PDHA1: variants seen among roughly 807,000 people sequenced by gnomAD.
PDHA1 encodes the protein pyruvate dehydrogenase E1 subunit alpha 1.
Under a neutral mutation model 33.0 loss-of-function variants are expected in PDHA1, and 1 was observed. That is an observed-to-expected ratio of 0.03 (90% confidence interval 0.01 to 0.14). The LOEUF is 0.14. Among genes scored for constraint, PDHA1 ranks in the 10% least tolerant of loss-of-function variants. The pLI is 1.00. For missense variants in PDHA1, 168 were observed against 325.1 expected, an observed-to-expected ratio of 0.52 and a Z score of 3.72; for synonymous variants, 123 against 119.2, an observed-to-expected ratio of 1.03 and a Z score of -0.21.
chrX:19,344,521 C>A (rs1309488142), intron 1 of PDHA1, among the ~76,000 whole-genome samples: 1 of 113,273 alleles, frequency 8.8e-6, no homozygotes, highest in Non-Finnish European at 1.9e-5. Context: ...AGGGTGGCTT[C>A]GTTCAAACAG....
chrX:19,350,250 A>G (rs1293031544), intron 3 of PDHA1, 140 bp downstream of exon 3: 7 of 528,536 alleles, frequency 1.3e-5, no homozygotes, highest in Admixed American at 7.8e-5. Context: ...TATTTTTTTG[A>G]GACAGTCTCT....
Position 19,359,495 on chromosome X carries a change from G to A in PDHA1, c.1015G>A (p.Asp339Asn). ...ACTGTTACCTAATTTTTAGGAAATT[G>A]ATGTGGAAGTGAGGAAGGAGATTGA... ...LASVEELKEI[D>N]VEVRKEIEDA... The change falls in exon 11 of 11, where the codon GAT becomes AAT. Residue 339 changes from aspartate to asparagine, a missense_variant. Physicochemically the swap from Asp to Asn is conservative, Grantham distance 23. Coordinates refer to ENST00000422285, the MANE Select transcript of PDHA1 (RefSeq NM_000284.4). The A allele has an allele frequency of 8.3e-7, 1 of 1,208,893 alleles. No individual in the cohort carries two copies. The highest frequency in any genetic ancestry group is 1.1e-6 in the Non-Finnish European group (1 of 893,014).
In PDHA1 at chrX:19,360,964, C is replaced by G; in HGVS notation, c.*1311C>G. The G allele has an allele frequency of 6.3e-6, 3 of 476,031 alleles. No individual in the cohort carries two copies. In the South Asian group the frequency reaches 1.1e-4, roughly 17 times the overall value. 39.2% of individuals were successfully genotyped at this position (476,031 alleles called of 1,213,427 possible). A position where few individuals can be genotyped will look rare whatever the true frequency, so the allele number is the denominator to read the frequency against. ...CACATATGGAGGTGACGCTCGTGTC[C>G]CAGCAGTAGTAGGACATGGCCTTAG... On this transcript the variant is annotated 3_prime_UTR_variant, in exon 11 of 11. Coordinates refer to ENST00000422285, the MANE Select transcript of PDHA1 (RefSeq NM_000284.4).
chrX:19,353,465 A>G, intron 5 of PDHA1: 1 of 378,797 alleles, frequency 2.6e-6, no homozygotes, highest in South Asian at 3.4e-5. Context: ...GCAGGGTTGT[A>G]GCCTAGGAGC....
rs1430632221 is a variant in PDHA1, at chrX:19,359,782, T to C, written c.*129T>C. The C allele has an allele frequency of 1.7e-6, 1 of 593,467 alleles. No individual in the cohort carries two copies. The highest frequency in any genetic ancestry group is 2.6e-5 in the Admixed American group (1 of 38,049). 48.9% of individuals were successfully genotyped at this position (593,467 alleles called of 1,213,427 possible). On this transcript the variant is annotated 3_prime_UTR_variant, in exon 11 of 11. Coordinates refer to ENST00000422285, the MANE Select transcript of PDHA1 (RefSeq NM_000284.4). The stretch of plus-strand genomic sequence containing the variant: ...TGGAAACTTCCATTAAGTGTGTAGA[T>C]TGAGCAGGTAGTAATTGCATGCAGT...
At chrX:19,355,896 G>A in intron 8 of PDHA1, 139 bp downstream of exon 8, 2 of 525,766 alleles carry the variant, frequency 3.8e-6, no homozygotes, top group Non-Finnish European at 6.7e-6. Context: ...AGGGAGCAGG[G>A]CTCCTTTGGG....
rs1048620167 is a variant in PDHA1, at chrX:19,353,314, A to G, written c.510+141A>G. 2.2e-5 allele frequency: 12 copies of G among 538,633 alleles called. No individual in the cohort carries two copies. The African/African-American group carries it at 2.5e-4, about 11-fold the overall frequency. 44.4% of individuals were successfully genotyped at this position (538,633 alleles called of 1,213,427 possible). On this transcript the variant is annotated intron_variant, in intron 5 of 10. Transcript: ENST00000422285. ...TGACGCTTTGGTCAATGTCGCATATATGATGTTGGACCCATAAGATTATAA... is the reference window on the plus strand; with the variant it reads ...TGACGCTTTGGTCAATGTCGCATATGTGATGTTGGACCCATAAGATTATAA...
At chrX:19,357,981 T>C (rs969506532) in intron 9 of PDHA1, among the ~76,000 whole-genome samples, 2 of 111,787 alleles carry the variant, frequency 1.8e-5, no homozygotes, top group African/African-American at 6.5e-5. Flanking sequence ...TAGAGGGAAA[T>C]TGTTACATAA....
chrX:19,344,654 G>GAAGTGTTATCGGTTATTA (rs1555932346), intron 1 of PDHA1, among the ~76,000 whole-genome samples: 16 of 109,809 alleles, frequency 1.5e-4, no homozygotes, highest in African/African-American at 5.3e-4. Context: ...AGTTATCTCT[G>GAAGTGTTATCGGTTATTA]AAATGTTATC....
chrX:19,355,480 A>AGGC lies in PDHA1; in HGVS notation c.737_739dup (p.Gly246dup). On this transcript the variant is annotated inframe_insertion, in exon 7 of 11. Transcript: ENST00000422285. ...CAGCCAGCACTGATTACTACAAGAG[A>AGGC]GGCGATTTCATTCCTGGGCTGAGAG... is the stretch of plus-strand genomic sequence containing the variant. 1 of 1,212,179 alleles carries AGGC rather than the reference A, an allele frequency of 8.2e-7. No individual in the cohort carries two copies. Among genetic ancestry groups the AGGC allele is most frequent in the Non-Finnish European group, 1.1e-6 (1 of 895,569 alleles).
At chrX:19,351,137 C>G (rs1364125801) in intron 3 of PDHA1, 144 bp from the exon 4 acceptor site, 1 of 577,332 alleles carries the variant, frequency 1.7e-6, no homozygotes, top group African/African-American at 2.3e-5. Context: ...GCCTTCCACT[C>G]TGTATTTTGG....
Position 19,345,572 on chromosome X carries a change from TAAAAAAAAAAAAAAAAAAAAA to T in PDHA1, c.57+1488_57+1508del, listed in dbSNP as rs11318265. Among the ~76,000 whole-genome samples the T allele has an allele frequency of 3.3e-4, 10 of 30,274 alleles. No homozygotes were observed. The East Asian group carries it at 0.011, about 33-fold the overall frequency. 26.3% of individuals were successfully genotyped at this position (30,274 alleles called of 115,157 possible). A position where few individuals can be genotyped will look rare whatever the true frequency, so the allele number is the denominator to read the frequency against. On this transcript the variant is annotated intron_variant, in intron 1 of 10. Coordinates refer to ENST00000422285, the MANE Select transcript of PDHA1 (RefSeq NM_000284.4). ...GCGACAAGAGCAAGACTCCGTATTTTAAAAAAAAAAAAAAAAAAAAAAAAAAAAAAGCGTTCCCTTTAGGGA... is the reference window on the plus strand; with the variant it reads ...GCGACAAGAGCAAGACTCCGTATTTTAAAAAAAAAGCGTTCCCTTTAGGGA...
intron 1 of PDHA1, 146 bp from the exon 2 acceptor site, chrX:19,349,166 C>G: frequency 6.3e-6 from 3 of 478,989 alleles, no homozygotes; most frequent in Non-Finnish European, 3.7e-6. Flanking sequence ...GATGCAAACA[C>G]AGTGCACAGG....
Position 19,359,551 on chromosome X carries a change from T to C in PDHA1, c.1071T>C (p.Pro357=). 1.7e-6 allele frequency: 2 copies of C among 1,210,553 alleles called. No homozygotes were observed. The highest frequency in any genetic ancestry group is 3.0e-5 in the East Asian group (1 of 33,824). ...EDAAQFATAD[P]EPPLEELGYH... Reference sequence around the variant, plus strand: ...CTGCCCAGTTTGCCACGGCCGATCCTGAGCCACCTTTGGAAGAGCTGGGCT... The same window carrying C: ...CTGCCCAGTTTGCCACGGCCGATCCCGAGCCACCTTTGGAAGAGCTGGGCT... Residue 357 remains proline (P), a synonymous_variant, in exon 11 of 11, where the codon CCT becomes CCC. Transcript: ENST00000422285.
chrX:19,351,583 A>G, intron 4 of PDHA1, 176 bp downstream of exon 4: 1 of 441,160 alleles, frequency 2.3e-6, no homozygotes, highest in South Asian at 3.8e-5. Flanking sequence ...ACCATTTGTG[A>G]AGTTCTCTGG....
At chrX:19,359,063 T>TAAAAGTTGCCACCCCTG (rs1214549458) in intron 10 of PDHA1, 39 bp downstream of exon 10, 1 of 896,264 alleles carries the variant, frequency 1.1e-6, no homozygotes, top group Non-Finnish European at 1.6e-6. Context: ...AGGTTGGCTT[T>TAAAAGTTGCCACCCCTG]AAAAGTTGCC....
At position 19,359,872 on chromosome X, in the gene PDHA1, G is replaced by GTA. The variant is rs1451081625; in HGVS notation, c.*222_*223dup. The GTA allele has an allele frequency of 1.1e-5, 5 of 442,657 alleles. No homozygotes were observed. In the Admixed American group the frequency reaches 1.3e-4, roughly 11 times the overall value. 36.5% of individuals were successfully genotyped at this position (442,657 alleles called of 1,213,427 possible). On this transcript the variant is annotated 3_prime_UTR_variant, in exon 11 of 11. Transcript: ENST00000422285. ...TAAAGATTATTTTTGACTTAAAATA[G>GTA]TATACTTTGAACAAATACTCTAATT...
rs1418233062 is a variant in PDHA1 at position 19,359,938 on chromosome X, G to A, written c.*285G>A. The A allele has an allele frequency of 3.0e-6, 1 of 333,554 alleles. No individual in the cohort carries two copies. 27.5% of individuals were successfully genotyped at this position (333,554 alleles called of 1,213,427 possible). ...AATTCCTTGTATGCCTGTTTCCCCT[G>A]CCCCCAGCCACCTTTTTGGGAGGAG... On this transcript the variant is annotated 3_prime_UTR_variant, in exon 11 of 11. Coordinates refer to ENST00000422285, the MANE Select transcript of PDHA1 (RefSeq NM_000284.4).
In PDHA1 at chrX:19,352,833, T is replaced by C. The variant is rs5955756; in HGVS notation, c.419-249T>C. The C allele has an allele frequency of 0.11, 46,881 of 418,037 alleles. 7,087 individuals are homozygous for C. The highest frequency in any genetic ancestry group is 0.66 in the African/African-American group (26,126 of 39,661). 34.5% of individuals were successfully genotyped at this position (418,037 alleles called of 1,213,427 possible). A position where few individuals can be genotyped will look rare whatever the true frequency, so the allele number is the denominator to read the frequency against. ...AGAAAACCCAGAAAAGTCCAGGGTA[T>C]CATCTGGATGGAACATCTGAAGGAA... On this transcript the variant is annotated intron_variant, in intron 4 of 10. Transcript: ENST00000422285.
Sources: gnomAD v4.1 joint callset for allele counts (sites outside exome capture counted in the v4.1 genomes callset) on GRCh38, gnomAD v4.1.1 for gene constraint, MANE v1.5 for transcripts, NCBI Gene and HGNC (gene_info 2026-07-23, HGNC 2026-07-21) for gene names.